FAT2: variants seen among roughly 807,000 people sequenced by gnomAD.
FAT2 encodes the protein FAT atypical cadherin 2, also known as protocadherin Fat 2.
In FAT2, 150 loss-of-function variants were observed where a neutral mutation model predicts 295.3. The ratio of observed to expected loss-of-function variants is 0.51; its 90% CI spans 0.44 to 0.58. The LOEUF (loss-of-function observed/expected upper bound fraction) is 0.58. Among genes scored for constraint, FAT2 ranks in the 20% least tolerant of loss-of-function variants. The pLI is 0.00. For synonymous variants in FAT2, 2,026 were observed against 2,150.3 expected (o/e 0.94, Z 1.60); for missense variants, 4,868 against 5,442.7 (o/e 0.89, Z 3.32).
chr5:151,517,192 A>G (rs570707448), intron 20 of FAT2, among the ~76,000 whole-genome samples: 5 of 152,324 alleles, frequency 3.3e-5, no homozygotes, highest in African/African-American at 9.6e-5. Context: ...GACCTTCCAC[A>G]TGACATAATC....
intron 12 of FAT2, among the ~76,000 whole-genome samples, chr5:151,537,420 A>AAGGAAAGGAG (rs746412802): frequency 2.5e-5 from 3 of 121,384 alleles, no homozygotes; most frequent in South Asian, 5.3e-4. Flanking sequence ...AAAAGGAAAA[A>AAGGAAAGGAG]AGGAAAGGAG....
chr5:151,571,384 C>G lies in FAT2; in HGVS notation c.-20-2433G>C, dbSNP rs78165359. Among the ~76,000 whole-genome samples, 4,277 of 152,030 alleles carry G rather than the reference C, an allele frequency of 0.028. 267 individuals carry two copies. In the East Asian group the frequency reaches 0.29, roughly 10 times the overall value. ...CTCTGTGAGCCCAGGGTGCACGCAG[C>G]CTCCCAGCCCTGCCTGCCCTGCTGT... is the stretch of plus-strand genomic sequence containing the variant. On this transcript the variant is annotated intron_variant, in intron 1 of 23. Coordinates refer to ENST00000261800, the MANE Select transcript of FAT2 (RefSeq NM_001447.3).
chr5:151,581,344 C>T (rs1758948822), intron 1 of FAT2, among the ~76,000 whole-genome samples: 1 of 152,144 alleles, frequency 6.6e-6, no homozygotes, highest in Admixed American at 6.5e-5. Context: ...GGGACCTCAG[C>T]CCCTACTCCT....
chr5:151,553,619 G>A (rs1262755863), intron 5 of FAT2, among the ~76,000 whole-genome samples: 2 of 152,236 alleles, frequency 1.3e-5, no homozygotes, highest in African/African-American at 4.8e-5. Flanking sequence ...CTCATGGTTA[G>A]TATAAAAATA....
intron 12 of FAT2, among the ~76,000 whole-genome samples, chr5:151,535,843 C>A (rs76981431): frequency 0.15 from 22,618 of 151,992 alleles, 1,823 homozygotes; most frequent in South Asian, 0.26. Context: ...GGGGTCTCCG[C>A]TGCTTGTTGT....
Position 151,568,718 on chromosome 5 carries a change from G to A in FAT2, c.214C>T (p.Arg72Trp), listed in dbSNP as rs147574119. The A allele has an allele frequency of 5.1e-5, 82 of 1,614,016 alleles. No homozygotes were observed. Among genetic ancestry groups the A allele is most frequent in the African/African-American group, 2.4e-4 (18 of 74,900 alleles). Residue 72 changes from arginine to tryptophan, a missense_variant, in exon 2 of 24, where the codon CGG becomes TGG. Physicochemically the swap from Arg to Trp is moderately radical, Grantham distance 101. This residue lies in a region of FAT2 where 3,297 missense variants were observed against 3,669.4 expected (regional missense o/e 0.90). Coordinates refer to ENST00000261800, the MANE Select transcript of FAT2 (RefSeq NM_001447.3). ...TTGGCCACATCCCCAGAGATGATCC[G>A]GTACCTCACTGCCCACTGTGGCTCC... ...LAEPQWAVRY[R>W]IISGDVANVF...
At chr5:151,588,087 T>A (rs958162160) in intron 1 of FAT2, among the ~76,000 whole-genome samples, 1 of 152,184 alleles carries the variant, frequency 6.6e-6, no homozygotes, top group African/African-American at 2.4e-5. Context: ...TACAGCTATC[T>A]GTTGACTCAC....
Position 151,566,887 on chromosome 5 carries a change from G to A in FAT2, c.2045C>T (p.Thr682Ile). The A allele has an allele frequency of 6.2e-7, 1 of 1,614,188 alleles. No homozygotes were observed. The highest frequency in any genetic ancestry group is 8.5e-7 in the Non-Finnish European group (1 of 1,180,032). ...KTGVLTQFTKTILHFIGLQNQ... is the reference protein window; with the variant it reads ...KTGVLTQFTKIILHFIGLQNQ... ...CTGAAGCCCAATAAAGTGGAGGATA[G>A]TCTTTGTGAATTGTGTCAATACCCC... Residue 682 changes from threonine to isoleucine, a missense_variant, in exon 2 of 24, where the codon ACT (threonine) becomes ATT (isoleucine). Physicochemically the swap from Thr to Ile is moderately conservative, Grantham distance 89. Coordinates refer to ENST00000261800, the MANE Select transcript of FAT2 (RefSeq NM_001447.3).
At chr5:151,536,821 AATCCT>A (rs1395621959) in intron 12 of FAT2, among the ~76,000 whole-genome samples, 1 of 152,128 alleles carries the variant, frequency 6.6e-6, no homozygotes, top group East Asian at 1.9e-4. Context: ...CACCTGCCTA[AATCCT>A]CCAGTGGCTC....
chr5:151,571,590 TG>T (rs1758528197), intron 1 of FAT2, among the ~76,000 whole-genome samples: 1 of 152,204 alleles, frequency 6.6e-6, no homozygotes, highest in African/African-American at 2.4e-5. Flanking sequence ...CACCCTTGGA[TG>T]GTGGCTTGGT....
chr5:151,559,022 A>T (rs773003443), intron 3 of FAT2, among the ~76,000 whole-genome samples: 3 of 152,202 alleles, frequency 2.0e-5, no homozygotes, highest in Non-Finnish European at 4.4e-5. Flanking sequence ...TGTTTAGGTG[A>T]TGAAGTGATT....
Position 151,545,681 on chromosome 5 carries a change from C to G in FAT2, c.5446G>C (p.Asp1816His). Residue 1816 changes from aspartate (D) to histidine (H), a missense_variant, in exon 10 of 24, where the codon GAT becomes CAT. By Grantham distance (81) the Asp-to-His change is moderately conservative. This residue lies in a region of FAT2 where 3,297 missense variants were observed against 3,669.4 expected (regional missense o/e 0.90). Transcript: ENST00000261800. Reference sequence around the variant, plus strand: ...ATGGTTAGGGTTCCCATGCTGGGATCAATTTTGAAAAACTTCAAGGCCTCC... The same window carrying G: ...ATGGTTAGGGTTCCCATGCTGGGATGAATTTTGAAAAACTTCAAGGCCTCC... ...EPEALKFFKI[D>H]PSMGTLTIVS... 1 of 1,614,132 alleles carries G rather than the reference C, an allele frequency of 6.2e-7. No individual in the cohort carries two copies. The highest frequency in any genetic ancestry group is 8.5e-7 in the Non-Finnish European group (1 of 1,180,032).
rs757163662 is a variant in FAT2 at position 151,531,504 on chromosome 5, T to C, written c.9811+83A>G. The stretch of plus-strand genomic sequence containing the variant: ...CTGCTCTGGGAGGCGCTGCACAGGG[T>C]AGATACCCACACAGGGGAGGAACCC... On this transcript the variant is annotated intron_variant, in intron 14 of 23. Transcript: ENST00000261800. This position sits in a 1 kb window ranked among gnomAD's most constrained non-coding sequence, Gnocchi z 5.7. 154 of 1,564,062 alleles carry C rather than the reference T, an allele frequency of 9.8e-5. No homozygotes were observed. The highest frequency in any genetic ancestry group is 1.3e-4 in the Non-Finnish European group (146 of 1,149,418).
intron 21 of FAT2, chr5:151,511,947 C>T: frequency 1.7e-6 from 1 of 575,116 alleles, no homozygotes; most frequent in Non-Finnish European, 3.1e-6. Flanking sequence ...TCCCTCATCC[C>T]CCCAGAAGTA....
intron 21 of FAT2, 105 bp from the exon 22 acceptor site, chr5:151,510,279 ATTTATTTGGTTGCTCCCCTCTGTGCCC>A (rs1209600237): frequency 9.0e-6 from 12 of 1,340,736 alleles, no homozygotes; most frequent in African/African-American, 2.9e-5. Flanking sequence ...GTTACCATTT[ATTTATTTGGTTGCTCCCCTCTGTGCCC>A]AATACCGTGC....
intron 1 of FAT2, among the ~76,000 whole-genome samples, chr5:151,583,206 C>T (rs1443571010): frequency 6.6e-6 from 1 of 152,160 alleles, no homozygotes; most frequent in African/African-American, 2.4e-5. Flanking sequence ...CCTAGGTCAA[C>T]ATAAGTGTGA....
Position 151,521,778 on chromosome 5 carries a change from G to A in FAT2, c.10815C>T (p.Ser3605=), listed in dbSNP as rs144527323. Residue 3605 remains serine, a synonymous_variant, in exon 19 of 24, where the codon AGC becomes AGT. Transcript: ENST00000261800. ...CAGCAGTCGTGGTGAAGGTCCCATC[G>A]CTGACCGTGACGTTGAACGAGTAGT... The part of the protein sequence containing the change: ...RGHYSFNVTV[S]DGTFTTTAGV... 1.1e-4 allele frequency: 178 copies of A among 1,614,128 alleles called. No individual in the cohort carries two copies. The highest frequency in any genetic ancestry group is 8.9e-4 in the African/African-American group (67 of 75,058).
upstream of FAT2, among the ~76,000 whole-genome samples, chr5:151,593,566 T>C (rs1759492597): frequency 6.6e-6 from 1 of 152,192 alleles, no homozygotes; most frequent in Non-Finnish European, 1.5e-5. Context: ...CCTCCAAGCA[T>C]GCTCAGAAAC....
chr5:151,555,264 T>G (rs1475762557), intron 4 of FAT2, among the ~76,000 whole-genome samples: 4 of 152,172 alleles, frequency 2.6e-5, no homozygotes, highest in African/African-American at 9.7e-5. Context: ...AAAAAACACT[T>G]TGGTGTTTAA....
Sources: allele counts gnomAD v4.1 joint callset (sites outside exome capture counted in the v4.1 genomes callset), GRCh38; gene constraint gnomAD v4.1.1; regional missense constraint gnomAD v4.1.1; non-coding constraint Gnocchi (gnomAD v3.1); transcripts MANE v1.5; gene names NCBI Gene and HGNC (gene_info 2026-07-23, HGNC 2026-07-21).